TPD52L1: variants seen among roughly 807,000 people sequenced by gnomAD.
TPD52L1 encodes TPD52 like 1.
In TPD52L1, 18 loss-of-function variants were observed where a neutral mutation model predicts 28.7. The ratio of observed to expected loss-of-function variants is 0.63; its 90% CI spans 0.43 to 0.93. The LOEUF (loss-of-function observed/expected upper bound fraction) is 0.93, where lower values mean the gene tolerates loss of function less well. TPD52L1 is among the 40% of genes least tolerant of loss of function. TPD52L1 has a pLI of 0.00. For missense variants in TPD52L1, 203 were observed against 254.8 expected (o/e 0.80, Z 1.39); for synonymous variants, 75 against 88.8 (o/e 0.84, Z 0.88).
chr6:125,175,297 C>T (rs966204908), intron 1 of TPD52L1, among the ~76,000 whole-genome samples: 1 of 151,970 alleles, frequency 6.6e-6, no homozygotes, highest in Admixed American at 6.6e-5. Context: ...AGCATTATAT[C>T]CAACCAAGCA....
At chr6:125,236,769 T>C (rs1796281485) in intron 3 of TPD52L1, among the ~76,000 whole-genome samples, 1 of 152,114 alleles carries the variant, frequency 6.6e-6, no homozygotes, top group Non-Finnish European at 1.5e-5. Flanking sequence ...ACTTTCTTCC[T>C]TTCCTCCACC....
At chr6:125,155,666 A>G (rs1323469390) in intron 1 of TPD52L1, among the ~76,000 whole-genome samples, 1 of 148,312 alleles carries the variant, frequency 6.7e-6, no homozygotes, top group Non-Finnish European at 1.5e-5. Flanking sequence ...ATGTAAAATC[A>G]CTGCCATGCT....
intron 3 of TPD52L1, among the ~76,000 whole-genome samples, chr6:125,247,453 T>G (rs1298690528): frequency 6.6e-6 from 1 of 152,188 alleles, no homozygotes; most frequent in Non-Finnish European, 1.5e-5. Flanking sequence ...GTCTTGCTCT[T>G]ATTTATCACT....
chr6:125,190,815 G>A (rs1792984814), intron 1 of TPD52L1, among the ~76,000 whole-genome samples: 1 of 152,166 alleles, frequency 6.6e-6, no homozygotes, highest in African/African-American at 2.4e-5. Flanking sequence ...CAGAGCTCAG[G>A]CTGTAATGCA....
chr6:125,204,295 T>C (rs1268731589), intron 1 of TPD52L1, among the ~76,000 whole-genome samples: 2 of 152,180 alleles, frequency 1.3e-5, no homozygotes, highest in East Asian at 1.9e-4. Flanking sequence ...AGGAACAAGA[T>C]GCATTAACAA....
chr6:125,168,198 G>A (rs1342214703), intron 1 of TPD52L1, among the ~76,000 whole-genome samples: 2 of 152,092 alleles, frequency 1.3e-5, no homozygotes, highest in Admixed American at 6.5e-5. Context: ...TGTTTGCAAT[G>A]ACCTAGGAAT....
chr6:125,207,581 C>T (rs1419272094), intron 1 of TPD52L1, among the ~76,000 whole-genome samples: 1 of 152,314 alleles, frequency 6.6e-6, no homozygotes, highest in East Asian at 1.9e-4. Context: ...GTCAGTTTTG[C>T]TTCTTCCTCC....
intron 1 of TPD52L1, among the ~76,000 whole-genome samples, chr6:125,160,218 AT>A (rs914514680): frequency 7.9e-5 from 12 of 152,028 alleles, no homozygotes; most frequent in Non-Finnish European, 1.5e-4. Flanking sequence ...AGAAAGAAAT[AT>A]TTTTTTTCTG....
chr6:125,233,380 A>T (rs1002997093), intron 3 of TPD52L1, among the ~76,000 whole-genome samples: 1 of 152,252 alleles, frequency 6.6e-6, no homozygotes, highest in East Asian at 1.9e-4. Flanking sequence ...AATTCTTATT[A>T]TCTCTTTTTA....
intron 1 of TPD52L1, among the ~76,000 whole-genome samples, chr6:125,200,243 G>A (rs913486373): frequency 7.2e-5 from 11 of 152,042 alleles, no homozygotes; most frequent in African/African-American, 2.7e-4. Context: ...TAAAAAAATA[G>A]CTCTAGATTC....
intron 1 of TPD52L1, among the ~76,000 whole-genome samples, chr6:125,201,699 G>C (rs1793808593): frequency 6.6e-6 from 1 of 152,156 alleles, no homozygotes; most frequent in African/African-American, 2.4e-5. Flanking sequence ...TCTAATTTGT[G>C]CTTTCCCTAT....
chr6:125,220,008 A>G (rs1285636880), intron 1 of TPD52L1, 70 bp from the exon 2 acceptor site: 2 of 1,119,800 alleles, frequency 1.8e-6, no homozygotes, highest in Non-Finnish European at 2.7e-6. Context: ...AGTCCTCCAC[A>G]CTATGGAAGC....
intron 1 of TPD52L1, among the ~76,000 whole-genome samples, chr6:125,162,819 GT>G (rs1790611181): frequency 6.6e-6 from 1 of 152,192 alleles, no homozygotes; most frequent in Non-Finnish European, 1.5e-5. Context: ...GTATATAAAT[GT>G]TTGCTGTTGC....
At chr6:125,194,924 C>T (rs1056054897) in intron 1 of TPD52L1, among the ~76,000 whole-genome samples, 1 of 152,086 alleles carries the variant, frequency 6.6e-6, no homozygotes, top group East Asian at 1.9e-4. Flanking sequence ...TGAGGATAGC[C>T]CACCTATAAA....
intron 1 of TPD52L1, among the ~76,000 whole-genome samples, chr6:125,183,159 G>A (rs926650689): frequency 3.9e-5 from 6 of 152,136 alleles, no homozygotes; most frequent in Admixed American, 1.3e-4. Flanking sequence ...ACTTTTGAGC[G>A]GTGAGATTGG....
At chr6:125,161,138 C>T (rs1290857840) in intron 1 of TPD52L1, among the ~76,000 whole-genome samples, 1 of 152,188 alleles carries the variant, frequency 6.6e-6, no homozygotes, top group East Asian at 1.9e-4. Flanking sequence ...CAGGCATGAG[C>T]CACCATGCCA....
rs1185105417 is a variant in TPD52L1, at chr6:125,263,215, CA to C, written c.*255del. 2 of 470,174 alleles carry C rather than the reference CA, an allele frequency of 4.3e-6. No individual in the cohort carries two copies. Among genetic ancestry groups the C allele is most frequent in the Middle Eastern group, 1.1e-3 (2 of 1,744 alleles). The allele number at this position is 470,174 out of a possible 1,614,324, so 29.1% of individuals were successfully genotyped here. On this transcript the variant is annotated 3_prime_UTR_variant, in exon 7 of 7. Coordinates refer to ENST00000534000, the MANE Select transcript of TPD52L1 (RefSeq NM_003287.4). ...AAATGTTCCCACTTGAGCAGGTACA[CA>C]ACTGGTCATAATTCCTGTCTGTGTA...
At chr6:125,251,911 T>G (rs1173223680) in intron 4 of TPD52L1, 3 of 1,069,650 alleles carry the variant, frequency 2.8e-6, no homozygotes, top group Non-Finnish European at 4.1e-6. Flanking sequence ...AGCTACCCTG[T>G]CTGTGCTCTG....
chr6:125,243,886 C>G (rs946305707), intron 3 of TPD52L1, among the ~76,000 whole-genome samples: 2 of 152,036 alleles, frequency 1.3e-5, no homozygotes, highest in African/African-American at 4.8e-5. Flanking sequence ...TGTTTTATTA[C>G]TAGAATTACT....
Sources: gnomAD v4.1 joint callset for allele counts (sites outside exome capture counted in the v4.1 genomes callset) on GRCh38, gnomAD v4.1.1 for gene constraint, MANE v1.5 for transcripts, NCBI Gene and HGNC (gene_info 2026-07-23, HGNC 2026-07-21) for gene names.